Variants in WDR19 observed in about 807,000 individuals in gnomAD.
WDR19 encodes the protein WD repeat domain 19, also known as WD repeat-containing protein 19.
A neutral mutation model predicts 180.0 loss-of-function variants in WDR19; 121 were observed. That is an observed-to-expected ratio of 0.67 (90% CI 0.58 to 0.78). WDR19 has a LOEUF of 0.78. Among genes scored for constraint, WDR19 ranks in the 30% least tolerant of loss-of-function variants. WDR19 has a pLI of 0.00. For synonymous variants in WDR19, 497 were observed against 540.7 expected (o/e 0.92, Z 1.12); for missense variants, 1,450 against 1,640.7 (o/e 0.88, Z 2.01).
At chr4:39,207,975 G>C (rs1023392121) in intron 9 of WDR19, among the ~76,000 whole-genome samples, 1 of 152,016 alleles carries the variant, frequency 6.6e-6, no homozygotes, top group South Asian at 2.1e-4. Context: ...GGGAGAGAGG[G>C]TAAAAGTTTT....
chr4:39,258,217 A>T (rs539722031), intron 28 of WDR19, among the ~76,000 whole-genome samples: 1 of 152,094 alleles, frequency 6.6e-6, no homozygotes, highest in South Asian at 2.1e-4. Flanking sequence ...CAGTGGTGCA[A>T]TCTCGGCTCA....
intron 20 of WDR19, among the ~76,000 whole-genome samples, chr4:39,239,179 T>C (rs1731660891): frequency 1.3e-5 from 2 of 152,136 alleles, no homozygotes. Flanking sequence ...GGTTTCACCA[T>C]GTTGGTCAGG....
intron 13 of WDR19, 147 bp from the exon 14 acceptor site, chr4:39,217,836 T>C (rs1729226744): frequency 2.1e-6 from 2 of 968,866 alleles, no homozygotes; most frequent in Admixed American, 5.4e-5. Flanking sequence ...CCGTGGTTCC[T>C]GTGTGATAGC....
At chr4:39,240,948 T>A (rs994322143) in intron 21 of WDR19, among the ~76,000 whole-genome samples, 2 of 125,090 alleles carry the variant, frequency 1.6e-5, no homozygotes, top group Non-Finnish European at 3.4e-5. Flanking sequence ...AGAGCGAGAC[T>A]CCATCTCAAA....
intron 12 of WDR19, 93 bp downstream of exon 12, chr4:39,216,303 T>C (rs577377113): frequency 2.0e-6 from 2 of 1,008,136 alleles, no homozygotes; most frequent in East Asian, 5.5e-5. Context: ...ACCAAGTCTT[T>C]CACTCTTTTT....
chr4:39,223,297 A>C (rs1364785143), intron 14 of WDR19, among the ~76,000 whole-genome samples: 1 of 152,114 alleles, frequency 6.6e-6, no homozygotes, highest in Admixed American at 6.5e-5. Context: ...TAAAAATAAG[A>C]ATAAAAGTAC....
chr4:39,214,572 T>A (rs753658053), intron 9 of WDR19, 29 bp from the exon 10 acceptor site: 2 of 1,336,256 alleles, frequency 1.5e-6, no homozygotes, highest in Admixed American at 3.9e-5. Flanking sequence ...ATCATATATA[T>A]TTTTTAATAA....
At chr4:39,205,961 G>T in intron 9 of WDR19, 1 of 441,166 alleles carries the variant, frequency 2.3e-6, no homozygotes, top group Admixed American at 3.8e-5. Flanking sequence ...CATGGAGTAA[G>T]CACACTCCAC....
chr4:39,224,108 G>T (rs1489460277), intron 14 of WDR19, among the ~76,000 whole-genome samples: 2 of 151,960 alleles, frequency 1.3e-5, no homozygotes, highest in Non-Finnish European at 2.9e-5. Context: ...ATTGTAAATG[G>T]TATTGCATTT....
At chr4:39,278,482 C>A in intron 35 of WDR19, 57 bp from the exon 36 acceptor site, 2 of 1,411,064 alleles carry the variant, frequency 1.4e-6, no homozygotes, top group South Asian at 1.3e-5. Context: ...TAGAGTAACC[C>A]AAAGCTAAAG....
chr4:39,268,683 ATTACT>A (rs1220239780), intron 30 of WDR19, among the ~76,000 whole-genome samples: 2 of 152,204 alleles, frequency 1.3e-5, no homozygotes, highest in Non-Finnish European at 2.9e-5. Context: ...CAAATAAGTC[ATTACT>A]TTATTCAGCT....
At chr4:39,194,720 G>A (rs1726538200) in intron 5 of WDR19, 61 bp downstream of exon 5, 43 of 1,299,748 alleles carry the variant, frequency 3.3e-5, no homozygotes, top group Non-Finnish European at 4.7e-5. Context: ...TGTAAATTCT[G>A]CCGCCTCAGG....
chr4:39,263,106 A>C (rs1249100114), intron 28 of WDR19, among the ~76,000 whole-genome samples: 1 of 112,920 alleles, frequency 8.9e-6, no homozygotes, highest in African/African-American at 3.4e-5. Flanking sequence ...CAAGGCTCTG[A>C]AATGCCTCCT....
intron 24 of WDR19, among the ~76,000 whole-genome samples, chr4:39,246,037 G>A (rs527314477): frequency 6.6e-6 from 1 of 152,240 alleles, no homozygotes; most frequent in South Asian, 2.1e-4. Flanking sequence ...CTAAAGACAA[G>A]AACACAAGCG....
chr4:39,266,980 G>A (rs1734860805), intron 29 of WDR19, among the ~76,000 whole-genome samples: 1 of 152,334 alleles, frequency 6.6e-6, no homozygotes, highest in East Asian at 1.9e-4. Flanking sequence ...CTACTCAGGA[G>A]GCTGAGGCAG....
chr4:39,206,344 T>C (rs1727949612), intron 9 of WDR19, among the ~76,000 whole-genome samples: 1 of 152,198 alleles, frequency 6.6e-6, no homozygotes. Context: ...CCCATGGCAG[T>C]GGCAACAAGA....
At chr4:39,257,693 C>A (rs1733897654) in intron 28 of WDR19, 139 bp downstream of exon 28, 1 of 726,856 alleles carries the variant, frequency 1.4e-6, no homozygotes, top group Non-Finnish European at 2.2e-6. Context: ...CAACAGCTGT[C>A]AATACATAGA....
chr4:39,282,596 C>T (rs1241821627), intron 36 of WDR19, among the ~76,000 whole-genome samples: 1 of 152,122 alleles, frequency 6.6e-6, no homozygotes, highest in Non-Finnish European at 1.5e-5. Context: ...TGGGGTTTCA[C>T]CATGTTGGCC....
At chr4:39,194,925 T>C (rs1321850747) in intron 5 of WDR19, 2 of 398,956 alleles carry the variant, frequency 5.0e-6, no homozygotes, top group African/African-American at 4.0e-5. Context: ...CTTCCATTTG[T>C]CCTTTCCCAC....
Sources: allele counts gnomAD v4.1 joint callset (sites outside exome capture counted in the v4.1 genomes callset), GRCh38; gene constraint gnomAD v4.1.1; transcripts MANE v1.5; gene names NCBI Gene and HGNC (gene_info 2026-07-23, HGNC 2026-07-21).